Variants in NAV2 observed in about 807,000 individuals in gnomAD.
NAV2 encodes the protein helicase, APC down-regulated 1.
NAV2 carries 54 observed loss-of-function variants against 223.2 expected under a neutral mutation model. The ratio of observed to expected loss-of-function variants is 0.24; its 90% CI spans 0.19 to 0.30. The LOEUF (loss-of-function observed/expected upper bound fraction) is 0.30. Ranked by LOEUF, NAV2 falls within the 10% of genes least tolerant of loss-of-function variation. NAV2 has a pLI of 1.00. For missense variants in NAV2, 2,806 were observed against 3,147.5 expected, an observed-to-expected ratio of 0.89 and a Z score of 2.60; for synonymous variants, 1,279 against 1,239.3, an observed-to-expected ratio of 1.03 and a Z score of -0.67.
chr11:19,734,498 C>T (rs780067721), intron 1 of NAV2, among the ~76,000 whole-genome samples: 3 of 152,204 alleles, frequency 2.0e-5, no homozygotes, highest in Non-Finnish European at 2.9e-5. Flanking sequence ...TTCCTACAAC[C>T]GCTTCCCCTT....
At chr11:19,908,346 C>A (rs567895399) in intron 6 of NAV2, among the ~76,000 whole-genome samples, 15 of 152,022 alleles carry the variant, frequency 9.9e-5, no homozygotes, top group African/African-American at 3.6e-4. Flanking sequence ...GTATACTGAG[C>A]TTTTCTTGGC....
At position 19,484,651 on chromosome 11, in the gene NAV2, G is replaced by A. The variant is rs573218768; in HGVS notation, c.75+133624G>A. On this transcript the variant is annotated intron_variant, in intron 1 of 37. Transcript: ENST00000360655. Reference sequence around the variant, plus strand: ...TCAGGAGGAGGCAGAAATAGGCTTTGTCCATCTTGACCCAGACCCCTTCCT... The same window carrying A: ...TCAGGAGGAGGCAGAAATAGGCTTTATCCATCTTGACCCAGACCCCTTCCT... 3.9e-4 allele frequency among the ~76,000 whole-genome samples: 59 copies of A among 152,272 alleles called. No individual in the cohort carries two copies. The South Asian group carries it at 4.4e-3, about 11-fold the overall frequency.
chr11:20,071,273 C>G (rs983572631), intron 22 of NAV2, among the ~76,000 whole-genome samples: 1 of 152,104 alleles, frequency 6.6e-6, no homozygotes, highest in Non-Finnish European at 1.5e-5. Context: ...TCATCCATGT[C>G]CCTGAAAAGG....
rs532459651 is a variant in NAV2 at position 19,585,495 on chromosome 11, G to A, written c.75+234468G>A. On this transcript the variant is annotated intron_variant, in intron 1 of 37. Coordinates refer to the NAV2 transcript ENST00000360655. Reference sequence around the variant, plus strand: ...GCCTTGATGGTCTTTACAATTTGGCGTGTTTTTGCAGTGGCTGGTACCGGT... The same window carrying A: ...GCCTTGATGGTCTTTACAATTTGGCATGTTTTTGCAGTGGCTGGTACCGGT... Among the ~76,000 whole-genome samples, 401 of 152,224 alleles carry A rather than the reference G, an allele frequency of 2.6e-3. 4 individuals are homozygous for A. Among genetic ancestry groups the A allele is most frequent in the African/African-American group, 8.9e-3 (369 of 41,528 alleles).
At chr11:19,587,252 C>T (rs1019439631) in intron 1 of NAV2, among the ~76,000 whole-genome samples, 2 of 152,172 alleles carry the variant, frequency 1.3e-5, no homozygotes, top group Non-Finnish European at 2.9e-5. Flanking sequence ...GTGGGAGTGA[C>T]CCAGTTTTCC....
chr11:19,528,298 C>A lies in NAV2; in HGVS notation c.75+177271C>A, dbSNP rs532602449. Among the ~76,000 whole-genome samples the A allele has an allele frequency of 2.6e-5, 4 of 152,280 alleles. 1 individual carries two copies. In the South Asian group the frequency reaches 6.2e-4, roughly 24 times the overall value. ...CAGCCATCATGGACCCTGGGCAGTT[C>A]TTTTCATGACCTTCTGGTCTTTGCC... On this transcript the variant is annotated intron_variant, in intron 1 of 37. Transcript: ENST00000360655.
intron 36 of NAV2, among the ~76,000 whole-genome samples, chr11:20,109,946 G>T (rs1452195475): frequency 6.6e-6 from 1 of 152,256 alleles, no homozygotes; most frequent in Non-Finnish European, 1.5e-5. Flanking sequence ...GCGGTGCCAA[G>T]GCCCTGCTCC....
chr11:19,695,947 T>C (rs1012268175), intron 1 of NAV2, among the ~76,000 whole-genome samples: 18 of 92,248 alleles, frequency 2.0e-4, no homozygotes, highest in Non-Finnish European at 4.4e-4. Flanking sequence ...TTTTTTTTTT[T>C]CTAATCCTGA....
chr11:19,648,371 GA>G (rs2047875398), intron 1 of NAV2, among the ~76,000 whole-genome samples: 1 of 152,160 alleles, frequency 6.6e-6, no homozygotes, highest in Non-Finnish European at 1.5e-5. Context: ...GCCATGATGG[GA>G]ATATTTACAC....
intron 1 of NAV2, among the ~76,000 whole-genome samples, chr11:19,611,799 C>T (rs2046653591): frequency 1.3e-5 from 2 of 152,206 alleles, no homozygotes; most frequent in African/African-American, 4.8e-5. Context: ...GCACATGCTG[C>T]AAGCTGTCAG....
chr11:19,902,898 A>G (rs557134474), intron 6 of NAV2, among the ~76,000 whole-genome samples: 5 of 152,236 alleles, frequency 3.3e-5, no homozygotes, highest in Admixed American at 6.5e-5. Flanking sequence ...TTCTGTGAGC[A>G]TATGTAGCCC....
chr11:19,825,240 C>T (rs989684543), intron 1 of NAV2, among the ~76,000 whole-genome samples: 2 of 127,878 alleles, frequency 1.6e-5, no homozygotes, highest in African/African-American at 3.0e-5. Context: ...TGCAGTGAGC[C>T]AAGATCACAC....
At chr11:19,714,034 G>C in intron 1 of NAV2, 72 bp downstream of exon 1, 1 of 1,559,782 alleles carries the variant, frequency 6.4e-7, no homozygotes, top group Non-Finnish European at 8.7e-7. Context: ...TGGTGTGGGA[G>C]AAAGGGCTGG....
chr11:19,765,378 T>TTTCCTTCC (rs145700371), intron 1 of NAV2, among the ~76,000 whole-genome samples: 24,833 of 144,178 alleles, frequency 0.17, 2,379 homozygotes, highest in Admixed American at 0.25. Flanking sequence ...TCTTCCCTTC[T>TTTCCTTCC]TTCCTTCCTT....
chr11:19,712,065 C>A (rs544727173), upstream of NAV2: 1 of 152,360 alleles, frequency 6.6e-6, no homozygotes, highest in African/African-American at 2.4e-5. Flanking sequence ...GCAACCCAAA[C>A]AGCGAATTCG....
intron 8 of NAV2, 112 bp downstream of exon 8, chr11:19,939,885 G>T: frequency 1.7e-6 from 1 of 603,360 alleles, no homozygotes; most frequent in African/African-American, 1.9e-5. Flanking sequence ...TGTTTGCATT[G>T]ACTTTGAGCT....
chr11:19,727,715 T>C (rs576215759), intron 1 of NAV2, among the ~76,000 whole-genome samples: 81 of 152,360 alleles, frequency 5.3e-4, no homozygotes, highest in African/African-American at 1.8e-3. Flanking sequence ...GGAGCCTTTT[T>C]CCCTTGTTCT....
At chr11:19,675,333 T>C (rs563964393) in intron 1 of NAV2, among the ~76,000 whole-genome samples, 17 of 152,352 alleles carry the variant, frequency 1.1e-4, no homozygotes, top group African/African-American at 4.1e-4. Context: ...AAACTCCCAG[T>C]TATTTTTTAA....
chr11:19,721,936 G>C (rs555487737), intron 1 of NAV2, among the ~76,000 whole-genome samples: 4 of 152,352 alleles, frequency 2.6e-5, no homozygotes, highest in African/African-American at 9.6e-5. Flanking sequence ...AACAACTGGT[G>C]AATCTAGGCA....
Sources: gnomAD v4.1 joint callset for allele counts (sites outside exome capture counted in the v4.1 genomes callset) on GRCh38, gnomAD v4.1.1 for gene constraint, MANE v1.5 for transcripts, NCBI Gene and HGNC (gene_info 2026-07-23, HGNC 2026-07-21) for gene names.